Variants in ZNF335 observed in about 807,000 individuals in gnomAD.
ZNF335 encodes the protein zinc finger protein 335, also known as NRC-interacting factor 1.
A neutral mutation model predicts 145.6 loss-of-function variants in ZNF335; 84 were observed. The observed-to-expected ratio is 0.58, with a 90% CI of 0.48 to 0.69. The LOEUF is 0.69. ZNF335 is among the 30% of genes least tolerant of loss of function. The pLI is 0.00. For synonymous variants in ZNF335, 761 were observed against 717.0 expected (o/e 1.06, Z -0.98); for missense variants, 1,865 against 1,809.7 (o/e 1.03, Z -0.55).
chr20:45,951,769 C>G (rs1268832597), intron 20 of ZNF335, among the ~76,000 whole-genome samples: 1 of 152,166 alleles, frequency 6.6e-6, no homozygotes, highest in Non-Finnish European at 1.5e-5. Context: ...GTTGGGCACC[C>G]CTGTTCTAGA....
intron 10 of ZNF335, 49 bp downstream of exon 10, chr20:45,962,021 C>G (rs1047788045): frequency 8.3e-7 from 1 of 1,208,810 alleles, no homozygotes; most frequent in Non-Finnish European, 1.2e-6. Flanking sequence ...TCCACTTCCC[C>G]ACCCAACCTG....
chr20:45,959,550 CG>C lies in ZNF335; in HGVS notation c.2021-118del, dbSNP rs145264245. 320 of 732,928 alleles carry C rather than the reference CG, an allele frequency of 4.4e-4. No individual in the cohort carries two copies. In the African/African-American group the frequency reaches 5.1e-3, roughly 12 times the overall value. 45.4% of individuals were successfully genotyped at this position (732,928 alleles called of 1,614,324 possible). A position where few individuals can be genotyped will look rare whatever the true frequency, so the allele number is the denominator to read the frequency against. The stretch of plus-strand genomic sequence containing the variant: ...TGACTGACTTCCAGCGATTCATTCC[CG>C]TATGTAGGCAAACACATGCCACTGT... On this transcript the variant is annotated intron_variant, in intron 14 of 27. Transcript: ENST00000322927.
chr20:45,971,388 C>T lies in ZNF335; in HGVS notation c.23G>A (p.Ser8Asn). 6.2e-7 allele frequency: 1 copy of T among 1,600,594 alleles called. No individual in the cohort carries two copies. Among genetic ancestry groups the T allele is most frequent in the Non-Finnish European group, 8.5e-7 (1 of 1,179,744 alleles). The change falls in exon 2 of 28, where the codon AGC becomes AAC. Residue 8 changes from serine to asparagine, a missense_variant. Coordinates refer to ENST00000322927, the MANE Select transcript of ZNF335 (RefSeq NM_022095.4). Reference sequence around the variant, plus strand: ...AGGCCCAGGGGCCGCGTCGCTGCTGCTCTCCACCTCGTTCTCCTCCATCTG... The same window carrying T: ...AGGCCCAGGGGCCGCGTCGCTGCTGTTCTCCACCTCGTTCTCCTCCATCTG... Reference protein sequence around the residue: MEENEVESSSDAAPGPGR... With the variant: MEENEVENSSDAAPGPGR...
Position 45,957,923 on chromosome 20 carries a change from G to A in ZNF335, c.2259C>T (p.Pro753=). The A allele has an allele frequency of 6.2e-7, 1 of 1,614,038 alleles. No individual in the cohort carries two copies. The highest frequency in any genetic ancestry group is 8.5e-7 in the Non-Finnish European group (1 of 1,180,002). The change falls in exon 16 of 28, where the codon CCC becomes CCT. Residue 753 remains proline (P), a synonymous_variant. Coordinates refer to ENST00000322927, the MANE Select transcript of ZNF335 (RefSeq NM_022095.4). ...ATGACTGGAAAGTTGTCGCCTCTGG[G>A]GGTATCTATGGGGTGGAGATATGGC... ...PPSSPGPPEI[P]PEATTFQSSE...
In ZNF335 at chr20:45,972,158, G is replaced by A; in HGVS notation, c.-87C>T. 1 of 1,289,312 alleles carries A rather than the reference G, an allele frequency of 7.8e-7. No individual in the cohort carries two copies. The highest frequency in any genetic ancestry group is 1.0e-6 in the Non-Finnish European group (1 of 988,648). The allele number at this position is 1,289,312 out of a possible 1,614,324, so 79.9% of individuals were successfully genotyped here. A position where few individuals can be genotyped will look rare whatever the true frequency, so the allele number is the denominator to read the frequency against. ...GTAGCCACGTTCCTCTCTGACTCCG[G>A]CATCGACGAGGTCGCCATCCTCTTT... On this transcript the variant is annotated 5_prime_UTR_variant, in exon 1 of 28. Coordinates refer to ENST00000322927, the MANE Select transcript of ZNF335 (RefSeq NM_022095.4).
At chr20:45,959,614 G>A (rs575525057) in intron 14 of ZNF335, among the ~76,000 whole-genome samples, 181 bp from the exon 15 acceptor site, 35 of 152,186 alleles carry the variant, frequency 2.3e-4, no homozygotes, top group Admixed American at 1.9e-3. Context: ...AATCAGGGCC[G>A]CCCTCTGCAC....
chr20:45,949,987 C>T lies in ZNF335; in HGVS notation c.3570G>A (p.Gln1190=). 1 of 1,614,192 alleles carries T rather than the reference C, an allele frequency of 6.2e-7. No individual in the cohort carries two copies. Among genetic ancestry groups the T allele is most frequent in the Non-Finnish European group, 8.5e-7 (1 of 1,180,028 alleles). ...TTACCTGATTGGTCACTGTCTGTTCCTGGGCAACGATGATGTGTTCCTGGC... is the reference window on the plus strand; with the variant it reads ...TTACCTGATTGGTCACTGTCTGTTCTTGGGCAACGATGATGTGTTCCTGGC... ...ALSQEHIIVA[Q]EQTVTNQEEA... is the part of the protein sequence containing the mutation. The change falls in exon 23 of 28, where the codon CAG becomes CAA. Residue 1190 remains glutamine, a synonymous_variant. Coordinates refer to ENST00000322927, the MANE Select transcript of ZNF335 (RefSeq NM_022095.4).
intron 15 of ZNF335, 33 bp from the exon 16 acceptor site, chr20:45,957,961 G>A (rs1379030581): frequency 6.4e-7 from 1 of 1,570,408 alleles, no homozygotes; most frequent in Non-Finnish European, 8.8e-7. Flanking sequence ...CGCCTGAGAG[G>A]GGCCAGCCCA....
At chr20:45,951,596 T>TA (rs1423443318) in intron 20 of ZNF335, among the ~76,000 whole-genome samples, 2 of 152,194 alleles carry the variant, frequency 1.3e-5, no homozygotes, top group Non-Finnish European at 2.9e-5. Flanking sequence ...TGACCTAGAT[T>TA]ACTCGTATGC....
chr20:45,968,262 G>C (rs961699573), intron 4 of ZNF335, 23 bp downstream of exon 4: 1 of 1,609,146 alleles, frequency 6.2e-7, no homozygotes, highest in Admixed American at 1.7e-5. Flanking sequence ...AGGCCTCCCC[G>C]ATTCTGGCAC....
chr20:45,968,246 C>T (rs781332676), intron 4 of ZNF335, 39 bp downstream of exon 4: 2 of 1,596,412 alleles, frequency 1.3e-6, no homozygotes, highest in Non-Finnish European at 1.7e-6. Flanking sequence ...TCCCCCTGCC[C>T]ACTGCAGGCC....
intron 2 of ZNF335, 100 bp downstream of exon 2, chr20:45,971,110 A>AC: frequency 1.4e-6 from 2 of 1,431,858 alleles, no homozygotes; most frequent in Non-Finnish European, 1.8e-6. Context: ...AACCAGAAAC[A>AC]CCAAGTATTA....
rs760998307 is a variant in ZNF335 at position 45,952,629 on chromosome 20, G to T, written c.2783C>A (p.Ala928Asp). 1.1e-5 allele frequency: 17 copies of T among 1,613,890 alleles called. No homozygotes were observed. Among genetic ancestry groups the T allele is most frequent in the Non-Finnish European group, 1.3e-5 (15 of 1,180,028 alleles). The change falls in exon 19 of 28, where the codon GCT becomes GAT. Residue 928 changes from alanine to aspartate, a missense_variant. By Grantham distance (126) the Ala-to-Asp change is moderately radical (BLOSUM62 -2). Transcript: ENST00000322927. Reference sequence around the variant, plus strand: ...GTGGTGCAACTGGGTACCATCAGTAGCCATGATGTAGTGGGTGCCAGCTTC... The same window carrying T: ...GTGGTGCAACTGGGTACCATCAGTATCCATGATGTAGTGGGTGCCAGCTTC... ...LKEAGTHYIM[A>D]TDGTQLHHIE...
chr20:45,954,250 CG>C (rs2083685911), intron 17 of ZNF335, among the ~76,000 whole-genome samples: 1 of 152,092 alleles, frequency 6.6e-6, no homozygotes, highest in Non-Finnish European at 1.5e-5. Context: ...GGCATATAGT[CG>C]GGAGAGGCCA....
At chr20:45,961,018 C>T in intron 10 of ZNF335, 136 bp from the exon 11 acceptor site, 1 of 1,185,808 alleles carries the variant, frequency 8.4e-7, no homozygotes, top group Non-Finnish European at 1.2e-6. Flanking sequence ...AGTGCTTCCC[C>T]AGCTGGAGTT....
intron 7 of ZNF335, among the ~76,000 whole-genome samples, chr20:45,964,938 C>A (rs2083922900): frequency 6.6e-6 from 1 of 151,502 alleles, no homozygotes; most frequent in South Asian, 2.1e-4. Context: ...GGCTGAGGCA[C>A]GAGAATTGCT....
rs752721519 is a variant in ZNF335 at position 45,965,766 on chromosome 20, C to A, written c.964G>T (p.Asp322Tyr). ...GGCTCATCCTCAGCTGGATTATAGT[C>A]GCTATCCTCTGTGGGGGACAGTAAA... ...GAIDDLEEDS[D>Y]YNPAEDEPRG... Residue 322 changes from aspartate (D) to tyrosine (Y), a missense_variant, in exon 7 of 28, where the codon GAC becomes TAC. Coordinates refer to ENST00000322927, the MANE Select transcript of ZNF335 (RefSeq NM_022095.4). 1 of 1,603,364 alleles carries A rather than the reference C, an allele frequency of 6.2e-7. No individual in the cohort carries two copies. Among genetic ancestry groups the A allele is most frequent in the Non-Finnish European group, 8.5e-7 (1 of 1,175,106 alleles).
chr20:45,972,180 C>T lies in ZNF335; in HGVS notation c.-109G>A, dbSNP rs752118844. ...CCGGCATCGACGAGGTCGCCATCCTCTTTCCTCCGCTGCGGAGGAACCCAT... is the reference window on the plus strand; with the variant it reads ...CCGGCATCGACGAGGTCGCCATCCTTTTTCCTCCGCTGCGGAGGAACCCAT... On this transcript the variant is annotated 5_prime_UTR_variant, in exon 1 of 28. Transcript: ENST00000322927. 7.8e-6 allele frequency: 10 copies of T among 1,289,564 alleles called. No homozygotes were observed. The highest frequency in any genetic ancestry group is 1.0e-5 in the Non-Finnish European group (10 of 988,718). 79.9% of individuals were successfully genotyped at this position (1,289,564 alleles called of 1,614,324 possible).
intron 10 of ZNF335, 146 bp downstream of exon 10, chr20:45,961,924 C>T (rs2083850123): frequency 3.0e-6 from 2 of 655,866 alleles, no homozygotes; most frequent in Admixed American, 5.1e-5. Context: ...GGGTGAACTG[C>T]CTTTCTGCTC....
Sources: allele counts gnomAD v4.1 joint callset (sites outside exome capture counted in the v4.1 genomes callset), GRCh38; gene constraint gnomAD v4.1.1; transcripts MANE v1.5; gene names NCBI Gene and HGNC (gene_info 2026-07-23, HGNC 2026-07-21).